Variants in IQUB observed in about 807,000 individuals in gnomAD.
The protein encoded by IQUB is IQ motif and ubiquitin-like domain-containing protein.
A neutral mutation model predicts 86.4 loss-of-function variants in IQUB; 86 were observed. The ratio of observed to expected loss-of-function variants is 1.00; its 90% CI spans 0.84 to 1.19. IQUB has a LOEUF of 1.19. Among genes scored for constraint, IQUB ranks in the 50% most tolerant of loss-of-function variants. The probability of loss-of-function intolerance (pLI) is 0.00; values close to 1 mark genes in which losing one functional copy is unlikely to be tolerated. For synonymous variants in IQUB, 289 were observed against 304.5 expected (o/e 0.95, Z 0.53); for missense variants, 946 against 916.9 (o/e 1.03, Z -0.41).
At chr7:123,500,231 A>G (rs1795882448) in intron 6 of IQUB, among the ~76,000 whole-genome samples, 1 of 152,142 alleles carries the variant, frequency 6.6e-6, no homozygotes. Context: ...ACTTTATTCT[A>G]TGGACTTGCC....
rs550385869 is a variant in IQUB, at chr7:123,527,243, C to T, written c.-5+7249G>A. ...AAATTTTTTTCAAAGTTTTCAACTT[C>T]TTTGCCTTTGGTTTGAATTTCCTCC... On this transcript the variant is annotated intron_variant, in intron 1 of 12. Coordinates refer to ENST00000324698, the MANE Select transcript of IQUB (RefSeq NM_178827.5). Among the ~76,000 whole-genome samples, 71 of 152,274 alleles carry T rather than the reference C, an allele frequency of 4.7e-4. No homozygotes were observed. In the South Asian group the frequency reaches 0.014, roughly 31 times the overall value.
chr7:123,455,309 A>G (rs1793641057), intron 12 of IQUB, among the ~76,000 whole-genome samples: 1 of 152,086 alleles, frequency 6.6e-6, no homozygotes, highest in South Asian at 2.1e-4. Flanking sequence ...AGTGCCACAG[A>G]ACAGTACTAG....
At chr7:123,511,224 A>G (rs1299309223) in intron 2 of IQUB, among the ~76,000 whole-genome samples, 1 of 152,144 alleles carries the variant, frequency 6.6e-6, no homozygotes, top group Non-Finnish European at 1.5e-5. Flanking sequence ...TTGTTAAATC[A>G]TGGCTCATGT....
At chr7:123,531,701 T>C (rs1474986337) in intron 1 of IQUB, among the ~76,000 whole-genome samples, 1 of 152,260 alleles carries the variant, frequency 6.6e-6, no homozygotes, top group South Asian at 2.1e-4. Flanking sequence ...TGTATTAACC[T>C]GCTGGTCAAT....
intron 1 of IQUB, among the ~76,000 whole-genome samples, chr7:123,526,775 T>G (rs1236442934): frequency 6.6e-6 from 1 of 152,104 alleles, no homozygotes; most frequent in African/African-American, 2.4e-5. Context: ...CATTAGTTGA[T>G]GCAGTTTCTT....
intron 10 of IQUB, chr7:123,462,741 T>TATC: frequency 2.3e-6 from 1 of 427,522 alleles, no homozygotes; most frequent in East Asian, 7.1e-5. Flanking sequence ...TTAGCAAATA[T>TATC]ATCAGTCAAC....
chr7:123,461,461 C>T lies in IQUB; in HGVS notation c.1903G>A (p.Ala635Thr). 6.2e-7 allele frequency: 1 copy of T among 1,612,338 alleles called. No individual in the cohort carries two copies. Among genetic ancestry groups the T allele is most frequent in the East Asian group, 2.2e-5 (1 of 44,832 alleles). ...TTCAAAAATGATTCTCGTTTTTGAG[C>T]CTCATTCTGAAGGTTAATGCAGTTA... ...CRNCINLQNE[A>T]QKRESFLKYK... Residue 635 changes from alanine (A) to threonine (T), a missense_variant, in exon 11 of 13, where the codon GCT becomes ACT. Ala to Thr is a moderately conservative substitution (Grantham distance 58). Transcript: ENST00000324698.
At chr7:123,530,137 G>T (rs1268343821) in intron 1 of IQUB, among the ~76,000 whole-genome samples, 1 of 152,160 alleles carries the variant, frequency 6.6e-6, no homozygotes, top group Non-Finnish European at 1.5e-5. Context: ...AACCTGGAAG[G>T]CAGAGGTTGC....
rs113685831 is a variant in IQUB at position 123,476,302 on chromosome 7, G to C, written c.1410+3493C>G. ...TTGCTTTCTGGAAGAAGAGGCATCT[G>C]AGCTTGTTTCAGGGTCAATAGCTAG... is the stretch of plus-strand genomic sequence containing the variant. On this transcript the variant is annotated intron_variant, in intron 8 of 12. Transcript: ENST00000324698. Among the ~76,000 whole-genome samples, 1,387 of 152,290 alleles carry C rather than the reference G, an allele frequency of 9.1e-3. 14 individuals are homozygous for C. The highest frequency in any genetic ancestry group is 0.048 in the South Asian group (231 of 4,826).
chr7:123,453,285 T>TA (rs61435419), intron 12 of IQUB, among the ~76,000 whole-genome samples: 169 of 142,474 alleles, frequency 1.2e-3, no homozygotes, highest in Admixed American at 2.1e-3. Context: ...TATATATATA[T>TA]TATTAATGTT....
At chr7:123,523,752 G>A (rs1436111510) in intron 1 of IQUB, among the ~76,000 whole-genome samples, 4 of 152,026 alleles carry the variant, frequency 2.6e-5, no homozygotes, top group African/African-American at 9.7e-5. Context: ...CATTGCTTTT[G>A]GTGTTTTAGA....
At chr7:123,475,722 C>T (rs1794720935) in intron 8 of IQUB, among the ~76,000 whole-genome samples, 1 of 152,076 alleles carries the variant, frequency 6.6e-6, no homozygotes, top group Admixed American at 6.6e-5. Flanking sequence ...AGAAAGGTGA[C>T]ACCCATCTTC....
chr7:123,457,504 G>C lies in IQUB; in HGVS notation c.2070C>G (p.Cys690Trp). The change falls in exon 12 of 13, where the codon TGC becomes TGG. Residue 690 changes from cysteine (C) to tryptophan (W), a missense_variant. Physicochemically the swap from Cys to Trp is radical, Grantham distance 215. Coordinates refer to ENST00000324698, the MANE Select transcript of IQUB (RefSeq NM_178827.5). The stretch of plus-strand genomic sequence containing the variant: ...CCATGACCAGATCACTGAGATTGTC[G>C]CAAGCACTGAGGACTGACTGGGACG... Reference protein sequence around the residue: ...IWASQSVLSACDNLSDLVMVR... With the variant: ...IWASQSVLSAWDNLSDLVMVR... 6.2e-7 allele frequency: 1 copy of C among 1,610,966 alleles called. No individual in the cohort carries two copies. The highest frequency in any genetic ancestry group is 8.5e-7 in the Non-Finnish European group (1 of 1,178,612).
At chr7:123,500,596 T>G (rs1795900635) in intron 6 of IQUB, among the ~76,000 whole-genome samples, 1 of 152,074 alleles carries the variant, frequency 6.6e-6, no homozygotes, top group Non-Finnish European at 1.5e-5. Flanking sequence ...GAATCAAGGT[T>G]AAAAGAACTT....
chr7:123,491,121 T>C (rs1303927383), intron 7 of IQUB, among the ~76,000 whole-genome samples: 3 of 152,078 alleles, frequency 2.0e-5, no homozygotes, highest in Admixed American at 6.6e-5. Flanking sequence ...AAGTATCCCA[T>C]GGGTCAAGAA....
intron 1 of IQUB, among the ~76,000 whole-genome samples, chr7:123,527,611 C>G (rs1797303246): frequency 6.8e-6 from 1 of 147,280 alleles, no homozygotes; most frequent in Non-Finnish European, 1.5e-5. Flanking sequence ...GGGGGTGCCT[C>G]CCAGTTAGGC....
In IQUB at chr7:123,452,601, T is replaced by TTTATATAACTCAAAATAC; in HGVS notation, c.*124_*141dup. On this transcript the variant is annotated 3_prime_UTR_variant, in exon 13 of 13. Coordinates refer to ENST00000324698, the MANE Select transcript of IQUB (RefSeq NM_178827.5). The stretch of plus-strand genomic sequence containing the variant: ...CTTACTTATATAGAAATGTTTTCTC[T>TTTATATAACTCAAAATAC]TTATATAACTCAAAATACTATGAAA... The TTTATATAACTCAAAATAC allele has an allele frequency of 2.2e-6, 1 of 459,490 alleles. No individual in the cohort carries two copies. Among genetic ancestry groups the TTTATATAACTCAAAATAC allele is most frequent in the Non-Finnish European group, 3.7e-6 (1 of 270,534 alleles). The allele number at this position is 459,490 out of a possible 1,614,324, so 28.5% of individuals were successfully genotyped here.
intron 1 of IQUB, among the ~76,000 whole-genome samples, chr7:123,525,054 C>A (rs1392502761): frequency 1.3e-5 from 2 of 152,208 alleles, no homozygotes; most frequent in African/African-American, 4.8e-5. Context: ...ATGAAGCCCA[C>A]TTGATCATGT....
chr7:123,466,889 G>A (rs1794288207), intron 9 of IQUB, among the ~76,000 whole-genome samples: 1 of 152,048 alleles, frequency 6.6e-6, no homozygotes, highest in Admixed American at 6.6e-5. Flanking sequence ...GACTGACCAT[G>A]CAGTTACCTA....
Sources: gnomAD v4.1 joint callset for allele counts (sites outside exome capture counted in the v4.1 genomes callset) on GRCh38, gnomAD v4.1.1 for gene constraint, MANE v1.5 for transcripts, NCBI Gene and HGNC (gene_info 2026-07-23, HGNC 2026-07-21) for gene names.